ANKFN1: variants seen among roughly 807,000 people sequenced by gnomAD.
ANKFN1 encodes the protein ankyrin repeat and fibronectin type-III domain-containing protein 1.
Under a neutral mutation model 108.7 loss-of-function variants are expected in ANKFN1, and 74 were observed. That is an observed-to-expected ratio of 0.68 (90% confidence interval 0.56 to 0.83). The LOEUF is 0.83. Ranked by LOEUF, ANKFN1 falls within the 40% of genes least tolerant of loss-of-function variation. ANKFN1 has a pLI of 0.00. For synonymous variants in ANKFN1, 547 were observed against 516.2 expected (o/e 1.06, Z -0.81); for missense variants, 1,505 against 1,382.3 (o/e 1.09, Z -1.41).
intron 14 of ANKFN1, among the ~76,000 whole-genome samples, chr17:56,464,981 C>T (rs1177214574): frequency 2.0e-5 from 3 of 152,122 alleles, no homozygotes; most frequent in African/African-American, 2.4e-5. Context: ...GTTAAATATT[C>T]GGGGATTTTG....
chr17:56,493,339 A>G (rs1187798963), intron 19 of ANKFN1, among the ~76,000 whole-genome samples: 1 of 152,198 alleles, frequency 6.6e-6, no homozygotes, highest in Non-Finnish European at 1.5e-5. Context: ...AAACATTCCC[A>G]TGAAGGATGT....
At chr17:56,389,262 A>G (rs2047363425) in intron 8 of ANKFN1, among the ~76,000 whole-genome samples, 1 of 152,238 alleles carries the variant, frequency 6.6e-6, no homozygotes, top group South Asian at 2.1e-4. Context: ...AACAATCTGG[A>G]TGAATCTTCT....
chr17:56,122,826 G>A (rs933662403), intron 4 of ANKFN1, among the ~76,000 whole-genome samples: 2 of 152,200 alleles, frequency 1.3e-5, no homozygotes, highest in African/African-American at 4.8e-5. Flanking sequence ...TGGCTCTTGT[G>A]GGTGTGTAGT....
upstream of ANKFN1, among the ~76,000 whole-genome samples, chr17:56,149,900 A>C (rs1027621085): frequency 6.6e-6 from 1 of 152,182 alleles, no homozygotes; most frequent in East Asian, 1.9e-4. Flanking sequence ...GTTGGAAGGA[A>C]GCCTTTATCA....
At chr17:56,425,911 T>A (rs1488382781) in intron 8 of ANKFN1, among the ~76,000 whole-genome samples, 1 of 152,138 alleles carries the variant, frequency 6.6e-6, no homozygotes, top group African/African-American at 2.4e-5. Context: ...CATATTTACA[T>A]CCCCAGGACA....
chr17:56,477,402 A>C, intron 15 of ANKFN1, 86 bp from the exon 16 acceptor site: 2 of 1,308,902 alleles, frequency 1.5e-6, no homozygotes, highest in Non-Finnish European at 2.0e-6. Context: ...ATTCATGACA[A>C]GCCTTCCTTA....
chr17:56,276,224 G>A lies in ANKFN1; in HGVS notation c.53+48267G>A, dbSNP rs895563884. On this transcript the variant is annotated intron_variant, in intron 3 of 20. Coordinates refer to ENST00000682825, the MANE Select transcript of ANKFN1 (RefSeq NM_001370326.1). Reference sequence around the variant, plus strand: ...GGAATACTGCATAGTATTCCATGGCGTATATGTGCCACATTTTCTTAATCC... The same window carrying A: ...GGAATACTGCATAGTATTCCATGGCATATATGTGCCACATTTTCTTAATCC... 9.2e-5 allele frequency among the ~76,000 whole-genome samples: 14 copies of A among 152,134 alleles called. 1 individual carries two copies. The highest frequency in any genetic ancestry group is 2.1e-4 in the South Asian group (1 of 4,824).
intron 14 of ANKFN1, among the ~76,000 whole-genome samples, chr17:56,460,021 A>G (rs7209150): frequency 0.069 from 10,451 of 151,012 alleles, 849 homozygotes; most frequent in African/African-American, 0.2. Flanking sequence ...GCCTGGATGA[A>G]TCCAACATGT....
At chr17:56,165,263 C>CT (rs778529905) in intron 1 of ANKFN1, among the ~76,000 whole-genome samples, 75 of 151,562 alleles carry the variant, frequency 4.9e-4, no homozygotes, top group Non-Finnish European at 9.3e-4. Context: ...TTACCAATTA[C>CT]TTTTTTTTTA....
At chr17:56,114,910 T>C (rs1567790792) in intron 4 of ANKFN1, among the ~76,000 whole-genome samples, 1 of 152,110 alleles carries the variant, frequency 6.6e-6, no homozygotes, top group Non-Finnish European at 1.5e-5. Flanking sequence ...GCTTTGAAGA[T>C]GGAGGAAGGG....
chr17:56,098,786 A>T (rs1260555365), intron 4 of ANKFN1, among the ~76,000 whole-genome samples: 4 of 152,174 alleles, frequency 2.6e-5, no homozygotes, highest in African/African-American at 9.7e-5. Flanking sequence ...GTATGACCAG[A>T]AAAGTAGCAA....
intron 4 of ANKFN1, among the ~76,000 whole-genome samples, chr17:56,142,135 T>C (rs1289785772): frequency 6.6e-6 from 1 of 152,062 alleles, no homozygotes; most frequent in Non-Finnish European, 1.5e-5. Context: ...TTCATCATGT[T>C]GGACAGGATG....
Position 56,309,072 on chromosome 17 carries a change from A to G in ANKFN1, c.54-17149A>G, listed in dbSNP as rs2144422195. ...GTTACCAAGATAATATCAGGTTTAT[A>G]AGACAAAATATTATGTGTTCCCTCC... On this transcript the variant is annotated intron_variant, in intron 3 of 20. Coordinates refer to ENST00000682825, the MANE Select transcript of ANKFN1 (RefSeq NM_001370326.1). 3.3e-5 allele frequency among the ~76,000 whole-genome samples: 5 copies of G among 152,300 alleles called. No homozygotes were observed. The South Asian group carries it at 1.0e-3, about 32-fold the overall frequency.
intron 1 of ANKFN1, among the ~76,000 whole-genome samples, chr17:56,164,319 C>T (rs538821868): frequency 2.6e-5 from 4 of 152,184 alleles, no homozygotes; most frequent in Non-Finnish European, 4.4e-5. Context: ...CATCTCCCTA[C>T]TCCTTGGTCT....
intron 2 of ANKFN1, among the ~76,000 whole-genome samples, chr17:56,226,071 A>G (rs367652727): frequency 2.3e-4 from 35 of 152,226 alleles, no homozygotes; most frequent in African/African-American, 8.2e-4. Flanking sequence ...GCTGAAGGGT[A>G]CACAATTTCA....
intron 4 of ANKFN1, among the ~76,000 whole-genome samples, chr17:56,117,157 C>T (rs1485190503): frequency 2.0e-5 from 3 of 152,066 alleles, no homozygotes; most frequent in Non-Finnish European, 2.9e-5. Context: ...TTATTAAATC[C>T]ATAAGGATTG....
chr17:56,333,419 C>A (rs958087172), intron 4 of ANKFN1, among the ~76,000 whole-genome samples: 3 of 152,140 alleles, frequency 2.0e-5, no homozygotes, highest in South Asian at 4.2e-4. Flanking sequence ...TAGAGATAAT[C>A]ATATAGTTTT....
At chr17:56,115,263 T>C (rs943905627) in intron 4 of ANKFN1, among the ~76,000 whole-genome samples, 2 of 152,176 alleles carry the variant, frequency 1.3e-5, no homozygotes, top group African/African-American at 2.4e-5. Flanking sequence ...TGCGGTGACA[T>C]TGCTTGTATT....
At chr17:56,422,603 G>A (rs181500644) in intron 8 of ANKFN1, among the ~76,000 whole-genome samples, 28 of 152,154 alleles carry the variant, frequency 1.8e-4, no homozygotes, top group African/African-American at 6.0e-4. Flanking sequence ...TTTGAAATTC[G>A]AAACCTTGAA....
Sources: allele counts gnomAD v4.1 joint callset (sites outside exome capture counted in the v4.1 genomes callset), GRCh38; gene constraint gnomAD v4.1.1; transcripts MANE v1.5; gene names NCBI Gene and HGNC (gene_info 2026-07-23, HGNC 2026-07-21).